IFT122: variants seen among roughly 807,000 people sequenced by gnomAD.
IFT122 encodes intraflagellar transport protein 122 homolog.
A neutral mutation model predicts 161.6 loss-of-function variants in IFT122; 118 were observed. The observed-to-expected ratio is 0.73, with a 90% CI of 0.63 to 0.85. The LOEUF is 0.85. Ranked by LOEUF, IFT122 falls within the 40% of genes least tolerant of loss-of-function variation. IFT122 has a pLI of 0.00. For missense variants in IFT122, 1,381 were observed against 1,579.6 expected (o/e 0.87, Z 2.13); for synonymous variants, 550 against 602.4 (o/e 0.91, Z 1.27).
At chr3:129,440,396 G>C in intron 1 of IFT122, 25 bp downstream of exon 1, 1 of 1,550,154 alleles carries the variant, frequency 6.5e-7, no homozygotes, top group Non-Finnish European at 8.7e-7. Context: ...GGTTCGCGAA[G>C]AGCAGGAGGT....
At chr3:129,519,877 T>C in intron 29 of IFT122, 145 bp downstream of exon 29, 1 of 995,562 alleles carries the variant, frequency 1.0e-6, no homozygotes, top group South Asian at 1.3e-5. Flanking sequence ...TCCTCTCCCC[T>C]GCTTGCATTC....
intron 3 of IFT122, among the ~76,000 whole-genome samples, chr3:129,455,769 A>G (rs2075401464): frequency 6.6e-6 from 1 of 152,122 alleles, no homozygotes; most frequent in Admixed American, 6.5e-5. Context: ...TATGTATTAT[A>G]TATTGTATTC....
intron 13 of IFT122, chr3:129,481,292 G>A: frequency 2.0e-6 from 1 of 504,456 alleles, no homozygotes; most frequent in South Asian, 1.9e-5. Flanking sequence ...AGCTCGGCCT[G>A]TCTCAGGGCT....
At chr3:129,502,358 T>C (rs921047773) in intron 19 of IFT122, among the ~76,000 whole-genome samples, 2 of 152,236 alleles carry the variant, frequency 1.3e-5, no homozygotes, top group Admixed American at 6.5e-5. Flanking sequence ...GAAATAATCA[T>C]GCCCACCTCT....
intron 18 of IFT122, among the ~76,000 whole-genome samples, chr3:129,497,535 G>A (rs997048538): frequency 6.6e-6 from 1 of 152,166 alleles, no homozygotes. Context: ...CTCTCTCCCT[G>A]GCTGGCCCCA....
chr3:129,469,599 A>G (rs1251246058), intron 9 of IFT122, among the ~76,000 whole-genome samples, 182 bp downstream of exon 9: 1 of 152,218 alleles, frequency 6.6e-6, no homozygotes, highest in Non-Finnish European at 1.5e-5. Flanking sequence ...TATAAAACCC[A>G]ATGAAGTGGG....
At chr3:129,505,350 C>T (rs36104554) in intron 21 of IFT122, among the ~76,000 whole-genome samples, 14,137 of 152,260 alleles carry the variant, frequency 0.093, 739 homozygotes, top group South Asian at 0.13. Flanking sequence ...AACCGTTGCC[C>T]TCTCTGGACA....
At chr3:129,493,250 G>A (rs1445442781) in intron 17 of IFT122, among the ~76,000 whole-genome samples, 2 of 152,156 alleles carry the variant, frequency 1.3e-5, no homozygotes, top group Non-Finnish European at 2.9e-5. Flanking sequence ...ATTCCCAGTT[G>A]GAAACAGTGA....
intron 14 of IFT122, among the ~76,000 whole-genome samples, chr3:129,483,073 T>G (rs1471881736): frequency 6.6e-6 from 1 of 152,170 alleles, no homozygotes. Context: ...GCTGTAACAT[T>G]GCCTGCTGGC....
At position 129,483,538 on chromosome 3, in the gene IFT122, C is replaced by T; in HGVS notation, c.1707C>T (p.Cys569=). 6.2e-7 allele frequency: 1 copy of T among 1,614,114 alleles called. No homozygotes were observed. Among genetic ancestry groups the T allele is most frequent in the Non-Finnish European group, 8.5e-7 (1 of 1,180,018 alleles). The change falls in exon 15 of 30, where the codon TGC becomes TGT. Residue 569 remains cysteine, a synonymous_variant. Coordinates refer to ENST00000348417, the MANE Select transcript of IFT122 (RefSeq NM_052989.3). The part of the protein sequence containing the change: ...AWNTQCEDML[C]FSGGGYLNIK... ...ACACCCAGTGTGAGGACATGCTCTGCTTCTCGGGAGGAGGCTACCTCAACA... is the reference window on the plus strand; with the variant it reads ...ACACCCAGTGTGAGGACATGCTCTGTTTCTCGGGAGGAGGCTACCTCAACA...
intron 5 of IFT122, among the ~76,000 whole-genome samples, chr3:129,462,253 T>A (rs920433819): frequency 2.0e-5 from 3 of 152,178 alleles, no homozygotes; most frequent in African/African-American, 7.2e-5. Context: ...CAAAATAGAA[T>A]CCCTACCCTC....
At chr3:129,456,524 C>G (rs951840104) in intron 3 of IFT122, among the ~76,000 whole-genome samples, 19 of 152,198 alleles carry the variant, frequency 1.2e-4, no homozygotes, top group African/African-American at 4.3e-4. Context: ...GTAATCCCAA[C>G]TACTTGGGAG....
At chr3:129,442,665 C>G (rs2073395058) in intron 1 of IFT122, among the ~76,000 whole-genome samples, 1 of 152,034 alleles carries the variant, frequency 6.6e-6, no homozygotes. Context: ...GTCTCCCGGT[C>G]TGCTCCTTTG....
At chr3:129,456,114 G>T (rs754227793) in intron 3 of IFT122, 22 of 520,190 alleles carry the variant, frequency 4.2e-5, no homozygotes, top group South Asian at 1.5e-4. Flanking sequence ...TTCAAATAAG[G>T]AAATGAAAGC....
chr3:129,492,041 G>T (rs1315679817), intron 16 of IFT122, 100 bp from the exon 17 acceptor site: 6 of 870,198 alleles, frequency 6.9e-6, no homozygotes, highest in Non-Finnish European at 7.9e-6. Flanking sequence ...CTCCTCTGTG[G>T]CTCACTGTCT....
At chr3:129,468,323 C>T (rs773010467) in intron 8 of IFT122, among the ~76,000 whole-genome samples, 1 of 152,144 alleles carries the variant, frequency 6.6e-6, no homozygotes, top group Non-Finnish European at 1.5e-5. Flanking sequence ...GATTAAGACC[C>T]AGCCTCAAGG....
chr3:129,462,204 A>G (rs1287760701), intron 5 of IFT122, among the ~76,000 whole-genome samples: 1 of 152,252 alleles, frequency 6.6e-6, no homozygotes, highest in African/African-American at 2.4e-5. Flanking sequence ...CTTCATGTGA[A>G]GCACTGGTCT....
intron 3 of IFT122, among the ~76,000 whole-genome samples, chr3:129,452,739 T>C (rs1391608189): frequency 6.6e-6 from 1 of 152,090 alleles, no homozygotes. Flanking sequence ...AGAGGAGGGA[T>C]CTGATTTGAT....
chr3:129,476,001 A>G (rs1256291409), intron 9 of IFT122: 3 of 426,044 alleles, frequency 7.0e-6, no homozygotes, highest in Non-Finnish European at 4.4e-6. Flanking sequence ...GCCTTTGGGA[A>G]CAAAACCACC....
Sources: gnomAD v4.1 joint callset for allele counts (sites outside exome capture counted in the v4.1 genomes callset) on GRCh38, gnomAD v4.1.1 for gene constraint, MANE v1.5 for transcripts, NCBI Gene and HGNC (gene_info 2026-07-23, HGNC 2026-07-21) for gene names.